CLIP1: variants seen among roughly 807,000 people sequenced by gnomAD.
CLIP1 encodes the protein CAP-Gly domain-containing linker protein 1.
A neutral mutation model predicts 161.6 loss-of-function variants in CLIP1; 66 were observed. That is an observed-to-expected ratio of 0.41 (90% CI 0.33 to 0.50). The LOEUF (loss-of-function observed/expected upper bound fraction) is 0.50, where lower values mean the gene tolerates loss of function less well. CLIP1 is among the 20% of genes least tolerant of loss of function. CLIP1 has a pLI of 0.27. For synonymous variants in CLIP1, 598 were observed against 626.2 expected (o/e 0.96, Z 0.67); for missense variants, 1,376 against 1,702.0 (o/e 0.81, Z 3.37).
At position 122,316,767 on chromosome 12, in the gene CLIP1, T is replaced by C; in HGVS notation, c.3455A>G (p.Glu1152Gly). The change falls in exon 19 of 26, where the codon GAA becomes GGA. Residue 1152 changes from glutamate to glycine, a missense_variant. Around this residue, in one of 6 missense-constraint regions of CLIP1, gnomAD observed 948 missense variants for 1,134.8 expected, o/e 0.84. Transcript: ENST00000620786. ...ELLTVENQKM[E>G]EFRKEIETLK... is the part of the protein sequence containing the mutation. Reference sequence around the variant, plus strand: ...AACTTACATTTCTTTCCTAAATTCTTCCATTTTTTGATTCTCTACAGTCAG... The same window carrying C: ...AACTTACATTTCTTTCCTAAATTCTCCCATTTTTTGATTCTCTACAGTCAG... 1 of 1,564,208 alleles carries C rather than the reference T, an allele frequency of 6.4e-7. No individual in the cohort carries two copies. The highest frequency in any genetic ancestry group is 8.6e-7 in the Non-Finnish European group (1 of 1,157,396).
intron 1 of CLIP1, among the ~76,000 whole-genome samples, chr12:122,392,874 C>T (rs1955719937): frequency 6.6e-6 from 1 of 152,040 alleles, no homozygotes; most frequent in African/African-American, 2.4e-5. Flanking sequence ...TTCCACCTCC[C>T]AGGCTCAAGC....
intron 21 of CLIP1, among the ~76,000 whole-genome samples, chr12:122,288,191 C>T (rs917793043): frequency 9.2e-5 from 14 of 152,102 alleles, no homozygotes; most frequent in African/African-American, 2.9e-4. Context: ...TGCCACTATG[C>T]CTGGCTAATT....
chr12:122,283,616 A>G (rs1054700940), intron 21 of CLIP1, among the ~76,000 whole-genome samples: 3 of 151,370 alleles, frequency 2.0e-5, no homozygotes, highest in African/African-American at 7.3e-5. Context: ...CCGCCACCAC[A>G]CCCAGCTAAT....
At chr12:122,273,298 G>A (rs1043936902) in intron 25 of CLIP1, among the ~76,000 whole-genome samples, 198 bp from the exon 26 acceptor site, 2 of 152,170 alleles carry the variant, frequency 1.3e-5, no homozygotes, top group African/African-American at 2.4e-5. Flanking sequence ...CACCCAGGCT[G>A]GAGTGCAGTG....
chr12:122,286,700 T>C (rs1055370417), intron 21 of CLIP1, among the ~76,000 whole-genome samples: 15 of 150,974 alleles, frequency 9.9e-5, no homozygotes, highest in African/African-American at 3.4e-4. Flanking sequence ...CTTGTCACTA[T>C]AAAAAAAAAT....
chr12:122,359,069 A>C (rs1367065156), intron 5 of CLIP1, among the ~76,000 whole-genome samples: 1 of 152,226 alleles, frequency 6.6e-6, no homozygotes, highest in African/African-American at 2.4e-5. Context: ...CAAAAAAATA[A>C]AAAATAAAAA....
intron 1 of CLIP1, among the ~76,000 whole-genome samples, chr12:122,414,721 C>T (rs1024156297): frequency 1.3e-5 from 2 of 152,100 alleles, no homozygotes; most frequent in African/African-American, 4.8e-5. Context: ...GCCTCGGCCT[C>T]CCAAAGTGCT....
intron 20 of CLIP1, among the ~76,000 whole-genome samples, chr12:122,293,561 C>T (rs2136337628): frequency 1.3e-5 from 2 of 152,032 alleles, no homozygotes; most frequent in South Asian, 2.1e-4. Context: ...TCACTGCAAC[C>T]TGTGCCTCCT....
At chr12:122,274,454 C>T in intron 24 of CLIP1, 1 of 193,934 alleles carries the variant, frequency 5.2e-6, no homozygotes, top group Non-Finnish European at 1.1e-5. Flanking sequence ...TGAGGAGATG[C>T]TATTTTATAT....
intron 1 of CLIP1, among the ~76,000 whole-genome samples, chr12:122,388,665 C>A (rs1260180692): frequency 1.3e-5 from 2 of 152,020 alleles, no homozygotes; most frequent in Non-Finnish European, 2.9e-5. Flanking sequence ...GAATTCTGGG[C>A]TCAAGTGATT....
At chr12:122,332,034 G>A (rs566313245) in intron 15 of CLIP1, among the ~76,000 whole-genome samples, 3 of 152,048 alleles carry the variant, frequency 2.0e-5, no homozygotes, top group African/African-American at 2.4e-5. Context: ...GGTTGGGCAC[G>A]GTGGCTCATG....
At chr12:122,359,352 G>A (rs1000669836) in intron 5 of CLIP1, among the ~76,000 whole-genome samples, 1 of 152,162 alleles carries the variant, frequency 6.6e-6, no homozygotes, top group Non-Finnish European at 1.5e-5. Context: ...GAGATTGGCG[G>A]GAGCAGGGAG....
At position 122,347,390 on chromosome 12, in the gene CLIP1, C is replaced by T. The variant is rs2136402722; in HGVS notation, c.1491G>A (p.Glu497=). The change falls in exon 10 of 26, where the codon GAG becomes GAA. Residue 497 remains glutamate (E), a synonymous_variant. Transcript: ENST00000620786. Reference sequence around the variant, plus strand: ...AAACCATTACCCTAGTGTCTTCTAACTCCCTCTGGAGTTTGTCAGCTTTGG... The same window carrying T: ...AAACCATTACCCTAGTGTCTTCTAATTCCCTCTGGAGTTTGTCAGCTTTGG... ...EKTKADKLQR[E]LEDTRVATVS... 1 of 1,612,340 alleles carries T rather than the reference C, an allele frequency of 6.2e-7. No individual in the cohort carries two copies. Among genetic ancestry groups the T allele is most frequent in the South Asian group, 1.1e-5 (1 of 91,048 alleles).
chr12:122,340,638 AG>A (rs1254292456), intron 11 of CLIP1, 114 bp downstream of exon 11: 1 of 813,438 alleles, frequency 1.2e-6, no homozygotes, highest in East Asian at 2.6e-5. Flanking sequence ...GGGGACATCA[AG>A]CAATTTAATT....
At chr12:122,294,574 G>A (rs1446232347) in intron 20 of CLIP1, among the ~76,000 whole-genome samples, 1 of 151,812 alleles carries the variant, frequency 6.6e-6, no homozygotes, top group East Asian at 1.9e-4. Flanking sequence ...ACCAGCCTGG[G>A]TAACATAGTG....
chr12:122,379,366 C>A (rs1395579316), intron 2 of CLIP1, among the ~76,000 whole-genome samples: 1 of 150,418 alleles, frequency 6.6e-6, no homozygotes, highest in Admixed American at 6.6e-5. Flanking sequence ...GTAATCCCAG[C>A]ACTTTGGGAA....
chr12:122,405,455 A>G (rs1956293963), intron 1 of CLIP1, among the ~76,000 whole-genome samples: 1 of 152,188 alleles, frequency 6.6e-6, no homozygotes, highest in Non-Finnish European at 1.5e-5. Flanking sequence ...AACTTTTTAA[A>G]TAGGCCAGAC....
At chr12:122,285,759 G>T (rs993628017) in intron 21 of CLIP1, among the ~76,000 whole-genome samples, 3 of 151,418 alleles carry the variant, frequency 2.0e-5, no homozygotes, top group African/African-American at 7.3e-5. Context: ...TTACAGGCAT[G>T]AACCACCGTG....
Position 122,404,906 on chromosome 12 carries a change from A to C in CLIP1, c.-107+17615T>G, listed in dbSNP as rs535371706. ...CAGAGCGAGACTCCATCTCAAAAAAAAAAAACAAAACAAAAAAAAACCAAC... is the reference window on the plus strand; with the variant it reads ...CAGAGCGAGACTCCATCTCAAAAAACAAAAACAAAACAAAAAAAAACCAAC... On this transcript the variant is annotated intron_variant, in intron 1 of 25. Coordinates refer to ENST00000620786, the MANE Select transcript of CLIP1 (RefSeq NM_001247997.2). Among the ~76,000 whole-genome samples the C allele has an allele frequency of 1.4e-3, 203 of 150,066 alleles. 2 individuals are homozygous for C. Among genetic ancestry groups the C allele is most frequent in the African/African-American group, 4.3e-3 (175 of 40,544 alleles).
Sources: allele counts gnomAD v4.1 joint callset (sites outside exome capture counted in the v4.1 genomes callset), GRCh38; gene constraint gnomAD v4.1.1; regional missense constraint gnomAD v4.1.1; transcripts MANE v1.5; gene names NCBI Gene and HGNC (gene_info 2026-07-23, HGNC 2026-07-21).